WBP2NL: variants seen among roughly 807,000 people sequenced by gnomAD.
WBP2NL encodes postacrosomal sheath WW domain-binding protein.
In WBP2NL, 27 loss-of-function variants were observed where a neutral mutation model predicts 23.3. The observed-to-expected ratio is 1.16, with a 90% CI of 0.85 to 1.60. The LOEUF is 1.60. Ranked by LOEUF, WBP2NL falls within the 40% of genes most tolerant of loss-of-function variation. The probability of loss-of-function intolerance (pLI) is 0.00; values close to 1 mark genes in which losing one functional copy is unlikely to be tolerated. For missense variants in WBP2NL, 370 were observed against 389.5 expected (o/e 0.95, Z 0.42); for synonymous variants, 151 against 145.9 (o/e 1.03, Z -0.25).
intron 1 of WBP2NL, among the ~76,000 whole-genome samples, chr22:42,017,988 A>G (rs182342795): frequency 3.9e-5 from 6 of 152,160 alleles, no homozygotes; most frequent in African/African-American, 1.2e-4. Flanking sequence ...GTCTCTACCA[A>G]AAAATACAAA....
In WBP2NL at chr22:42,019,292, T is replaced by A. The variant is rs779801946; in HGVS notation, c.63-19T>A. On this transcript the variant is annotated intron_variant, in intron 1 of 5. Coordinates refer to ENST00000328823, the MANE Select transcript of WBP2NL (RefSeq NM_152613.3). The stretch of plus-strand genomic sequence containing the variant: ...CATACATTCTTTATTGTGTGCCGTC[T>A]GTTCCTCATTTTCTACAGTCTCTTG... 15 of 1,600,878 alleles carry A rather than the reference T, an allele frequency of 9.4e-6. No homozygotes were observed. In the Middle Eastern group the frequency reaches 1.3e-3, roughly 141 times the overall value.
rs938576759 is a variant in WBP2NL, at chr22:42,028,066, ATG to A, written c.*890_*891del. 4 of 398,394 alleles carry A rather than the reference ATG, an allele frequency of 1.0e-5. No individual in the cohort carries two copies. Among genetic ancestry groups the A allele is most frequent in the African/African-American group, 8.2e-5 (4 of 48,640 alleles). The allele number at this position is 398,394 out of a possible 1,614,324, so 24.7% of individuals were successfully genotyped here. On this transcript the variant is annotated 3_prime_UTR_variant, in exon 6 of 6. Transcript: ENST00000328823. ...AAAATATGCCTGCGAGAAAACTTGCATGTGTGCACAAAGATGCATGTGGGAAG... is the reference window on the plus strand; with the variant it reads ...AAAATATGCCTGCGAGAAAACTTGCATGTGCACAAAGATGCATGTGGGAAG...
intron 8 of WBP2NL, among the ~76,000 whole-genome samples, chr22:42,052,543 GTGCTGGGAT>G (rs1925874509): frequency 6.6e-6 from 1 of 152,204 alleles, no homozygotes; most frequent in African/African-American, 2.4e-5. Flanking sequence ...GCCTCCCAGA[GTGCTGGGAT>G]TAGAGGCATG....
chr22:42,056,077 ATGTCT>A (rs1159484231), intron 8 of WBP2NL, among the ~76,000 whole-genome samples: 2 of 152,028 alleles, frequency 1.3e-5, no homozygotes, highest in African/African-American at 4.8e-5. Context: ...TTTGTGTGTT[ATGTCT>A]TAAGTCTCTT....
intron 1 of WBP2NL, among the ~76,000 whole-genome samples, chr22:41,999,183 G>A (rs1307051865): frequency 1.3e-5 from 2 of 152,236 alleles, no homozygotes; most frequent in Admixed American, 6.5e-5. Flanking sequence ...TGCGAGACGC[G>A]TGTGTCCTTC....
chr22:42,016,538 C>T (rs543134711), intron 1 of WBP2NL, among the ~76,000 whole-genome samples: 20 of 152,318 alleles, frequency 1.3e-4, no homozygotes, highest in African/African-American at 4.3e-4. Context: ...AGCTTACTTA[C>T]TGAGATTTGG....
intron 1 of WBP2NL, among the ~76,000 whole-genome samples, chr22:42,010,759 C>T (rs886615105): frequency 3.3e-5 from 5 of 152,260 alleles, no homozygotes; most frequent in South Asian, 2.1e-4. Context: ...AGGATGATCT[C>T]GATCTCCTGA....
chr22:41,999,272 C>A (rs1044868091), intron 1 of WBP2NL, among the ~76,000 whole-genome samples: 3 of 152,214 alleles, frequency 2.0e-5, no homozygotes, highest in African/African-American at 7.2e-5. Context: ...TGGGTGCCTG[C>A]GACTTTGTTG....
downstream of WBP2NL, among the ~76,000 whole-genome samples, chr22:42,033,153 A>C (rs541573905): frequency 2.6e-5 from 4 of 152,234 alleles, no homozygotes; most frequent in African/African-American, 9.6e-5. Context: ...GCTATTTTTC[A>C]GTCAGATGTG....
At chr22:42,011,060 C>G (rs1391333772) in intron 1 of WBP2NL, among the ~76,000 whole-genome samples, 1 of 152,144 alleles carries the variant, frequency 6.6e-6, no homozygotes, top group Non-Finnish European at 1.5e-5. Context: ...TTTTTTACAT[C>G]AATATTCATC....
At chr22:42,041,948 G>T (rs1370829314) in intron 8 of WBP2NL, among the ~76,000 whole-genome samples, 8 of 152,148 alleles carry the variant, frequency 5.3e-5, no homozygotes, top group Non-Finnish European at 4.4e-5. Flanking sequence ...GCTTTGCAGG[G>T]TATAGTATTC....
At chr22:41,999,982 C>T (rs151176822) in intron 1 of WBP2NL, among the ~76,000 whole-genome samples, 1 of 152,264 alleles carries the variant, frequency 6.6e-6, no homozygotes, top group East Asian at 1.9e-4. Context: ...CACCTCTTTA[C>T]CCCACACGCC....
chr22:42,049,711 A>AC (rs1925758207), intron 8 of WBP2NL, among the ~76,000 whole-genome samples: 1 of 119,792 alleles, frequency 8.3e-6, no homozygotes, highest in Admixed American at 7.8e-5. Flanking sequence ...AAAACAAAAA[A>AC]AAAAAAAAAA....
chr22:42,047,985 T>C (rs1925664724), intron 8 of WBP2NL, among the ~76,000 whole-genome samples: 1 of 152,112 alleles, frequency 6.6e-6, no homozygotes, highest in Admixed American at 6.5e-5. Flanking sequence ...TAAACATAGA[T>C]GCAAAAATCC....
At chr22:42,049,700 CAAAACAAAAAAAAAAAA>C (rs1185991902) in intron 8 of WBP2NL, among the ~76,000 whole-genome samples, 37 of 36,482 alleles carry the variant, frequency 1.0e-3, no homozygotes, top group East Asian at 3.6e-3. Flanking sequence ...CAAAACAAAA[CAAAACAAAAAAAAAAAA>C]AAAAAAAAAA....
At chr22:42,048,011 A>G (rs998305461) in intron 8 of WBP2NL, among the ~76,000 whole-genome samples, 2 of 152,234 alleles carry the variant, frequency 1.3e-5, no homozygotes, top group African/African-American at 4.8e-5. Flanking sequence ...ACAAAATATT[A>G]ATAAACGGAA....
intron 4 of WBP2NL, among the ~76,000 whole-genome samples, chr22:42,021,139 C>T (rs1399995090): frequency 1.3e-5 from 2 of 151,170 alleles, no homozygotes; most frequent in African/African-American, 2.4e-5. Flanking sequence ...AGGCTGGTCT[C>T]GAACTCCTGA....
intron 8 of WBP2NL, among the ~76,000 whole-genome samples, chr22:42,057,865 G>GTGTATA (rs1289582411): frequency 2.8e-4 from 17 of 59,664 alleles, no homozygotes; most frequent in African/African-American, 1.4e-3. Flanking sequence ...ATGTGTGTGT[G>GTGTATA]TATGTATATA....
chr22:42,042,063 T>G (rs979557994), intron 8 of WBP2NL, among the ~76,000 whole-genome samples: 2 of 152,256 alleles, frequency 1.3e-5, no homozygotes, highest in Non-Finnish European at 2.9e-5. Context: ...GGGATTCCCT[T>G]GAATGACAAG....
Sources: gnomAD v4.1 joint callset for allele counts (sites outside exome capture counted in the v4.1 genomes callset) on GRCh38, gnomAD v4.1.1 for gene constraint, MANE v1.5 for transcripts, NCBI Gene and HGNC (gene_info 2026-07-23, HGNC 2026-07-21) for gene names.